Variants in TRPC7 observed in about 807,000 individuals in gnomAD.
TRPC7 encodes the protein transient receptor potential cation channel subfamily C member 7, also known as short transient receptor potential channel 7.
In TRPC7, 42 loss-of-function variants were observed where a neutral mutation model predicts 90.1. The ratio of observed to expected loss-of-function variants is 0.47; its 90% CI spans 0.36 to 0.60. The LOEUF (loss-of-function observed/expected upper bound fraction) is 0.60. TRPC7 is among the 20% of genes least tolerant of loss of function. The pLI is 0.00. For synonymous variants in TRPC7, 451 were observed against 436.3 expected, an observed-to-expected ratio of 1.03 and a Z score of -0.42; for missense variants, 955 against 1,112.3, an observed-to-expected ratio of 0.86 and a Z score of 2.01.
intron 3 of TRPC7, among the ~76,000 whole-genome samples, chr5:136,310,248 G>C (rs1486150191): frequency 1.3e-5 from 2 of 152,156 alleles, no homozygotes; most frequent in Non-Finnish European, 2.9e-5. Context: ...TGAAGTTCCA[G>C]GGTTTTGTTC....
chr5:136,249,949 A>G (rs1756466065), intron 6 of TRPC7, among the ~76,000 whole-genome samples: 1 of 152,222 alleles, frequency 6.6e-6, no homozygotes, highest in Admixed American at 6.5e-5. Context: ...CAAATACAAG[A>G]GCAATAACGT....
At chr5:136,288,325 CAT>C (rs1403203026) in intron 3 of TRPC7, among the ~76,000 whole-genome samples, 1 of 151,954 alleles carries the variant, frequency 6.6e-6, no homozygotes, top group Non-Finnish European at 1.5e-5. Flanking sequence ...TGTATATACA[CAT>C]GTATATAGAT....
intron 10 of TRPC7, among the ~76,000 whole-genome samples, chr5:136,224,590 A>G (rs1755567808): frequency 6.6e-6 from 1 of 152,122 alleles, no homozygotes; most frequent in African/African-American, 2.4e-5. Context: ...CCAAGCAACC[A>G]TGCCTTGTAC....
intron 1 of TRPC7, among the ~76,000 whole-genome samples, chr5:136,363,704 A>G (rs1760638034): frequency 6.6e-6 from 1 of 152,156 alleles, no homozygotes; most frequent in Non-Finnish European, 1.5e-5. Flanking sequence ...AAGTGTTTCT[A>G]TTAGTAATTT....
chr5:136,325,012 G>T (rs547228563), intron 2 of TRPC7, among the ~76,000 whole-genome samples: 1 of 152,356 alleles, frequency 6.6e-6, no homozygotes, highest in East Asian at 1.9e-4. Context: ...TAAGTCAGCA[G>T]ATGTGTACAG....
At chr5:136,289,655 C>T (rs1757862706) in intron 3 of TRPC7, among the ~76,000 whole-genome samples, 1 of 152,236 alleles carries the variant, frequency 6.6e-6, no homozygotes, top group Non-Finnish European at 1.5e-5. Context: ...GAAGCTCGAA[C>T]TGGGTGGAGC....
At chr5:136,312,000 C>A (rs1758847400) in intron 3 of TRPC7, among the ~76,000 whole-genome samples, 1 of 152,166 alleles carries the variant, frequency 6.6e-6, no homozygotes, top group Non-Finnish European at 1.5e-5. Context: ...ATGACATAGG[C>A]ATTATTATTC....
At chr5:136,251,138 A>G (rs968373137) in intron 6 of TRPC7, among the ~76,000 whole-genome samples, 1 of 152,334 alleles carries the variant, frequency 6.6e-6, no homozygotes, top group Non-Finnish European at 1.5e-5. Flanking sequence ...CTACTACATC[A>G]AACTGTAAGC....
intron 3 of TRPC7, among the ~76,000 whole-genome samples, chr5:136,292,686 T>C (rs9686156): frequency 0.12 from 18,377 of 152,100 alleles, 1,158 homozygotes; most frequent in African/African-American, 0.14. Flanking sequence ...CAGGACCAGA[T>C]GGATTCACAG....
At chr5:136,337,675 A>AG (rs1450973037) in intron 2 of TRPC7, among the ~76,000 whole-genome samples, 2 of 152,092 alleles carry the variant, frequency 1.3e-5, no homozygotes, top group African/African-American at 4.8e-5. Flanking sequence ...AAAAAAAAAA[A>AG]AAAAAATCTG....
At position 136,266,519 on chromosome 5, in the gene TRPC7, G is replaced by A. The variant is rs555706565; in HGVS notation, c.1129-83C>T. The A allele has an allele frequency of 1.5e-4, 180 of 1,230,006 alleles. 2 individuals carry two copies. Among genetic ancestry groups the A allele is most frequent in the Non-Finnish European group, 2.0e-4 (175 of 873,366 alleles). 76.2% of individuals were successfully genotyped at this position (1,230,006 alleles called of 1,614,324 possible). A position where few individuals can be genotyped will look rare whatever the true frequency, so the allele number is the denominator to read the frequency against. ...TCTTTATAACATCGCTTTCACCAAA[G>A]TTTAACCAGAGAATCCTTCATCTTG... On this transcript the variant is annotated intron_variant, in intron 4 of 11. Coordinates refer to ENST00000513104, the MANE Select transcript of TRPC7 (RefSeq NM_020389.3).
intron 7 of TRPC7, among the ~76,000 whole-genome samples, chr5:136,239,598 C>A (rs984786919): frequency 5.3e-5 from 8 of 152,168 alleles, no homozygotes; most frequent in African/African-American, 1.9e-4. Flanking sequence ...AGTTTTATGA[C>A]GTATTTCAGC....
intron 7 of TRPC7, among the ~76,000 whole-genome samples, chr5:136,243,894 G>A (rs1255395863): frequency 2.0e-5 from 3 of 151,890 alleles, no homozygotes; most frequent in Non-Finnish European, 4.4e-5. Flanking sequence ...TGTGCTTGCC[G>A]CCTCCCCACC....
chr5:136,359,645 CTTA>C (rs961370680), intron 1 of TRPC7, among the ~76,000 whole-genome samples: 1 of 152,064 alleles, frequency 6.6e-6, no homozygotes, highest in Non-Finnish European at 1.5e-5. Flanking sequence ...TGTGCAGGCA[CTTA>C]TTATTATAGG....
intron 2 of TRPC7, among the ~76,000 whole-genome samples, chr5:136,337,927 T>C (rs527266467): frequency 2.0e-5 from 3 of 152,264 alleles, no homozygotes; most frequent in African/African-American, 4.8e-5. Flanking sequence ...ATCCCCATCA[T>C]GCAGAAGGCT....
chr5:136,217,410 C>CT (rs1755304000), intron 10 of TRPC7, among the ~76,000 whole-genome samples: 1 of 152,212 alleles, frequency 6.6e-6, no homozygotes, highest in African/African-American at 2.4e-5. Flanking sequence ...CCATGAAGAG[C>CT]TTGCCACAGA....
intron 5 of TRPC7, 52 bp from the exon 6 acceptor site, chr5:136,251,934 TG>T: frequency 6.8e-7 from 1 of 1,471,852 alleles, no homozygotes; most frequent in African/African-American, 1.4e-5. Context: ...TTGGCATTTG[TG>T]ACCGCATGAG....
intron 2 of TRPC7, among the ~76,000 whole-genome samples, chr5:136,317,219 T>A (rs1759052072): frequency 6.6e-6 from 1 of 152,046 alleles, no homozygotes; most frequent in Non-Finnish European, 1.5e-5. Flanking sequence ...GGGTTCTAGG[T>A]TTTGGTATCT....
At chr5:136,345,958 T>A (rs1759992158) in intron 2 of TRPC7, among the ~76,000 whole-genome samples, 1 of 152,220 alleles carries the variant, frequency 6.6e-6, no homozygotes, top group Non-Finnish European at 1.5e-5. Context: ...AAATAGGGAA[T>A]CCTTTCCCCA....
Sources: gnomAD v4.1 joint callset for allele counts (sites outside exome capture counted in the v4.1 genomes callset) on GRCh38, gnomAD v4.1.1 for gene constraint, MANE v1.5 for transcripts, NCBI Gene and HGNC (gene_info 2026-07-23, HGNC 2026-07-21) for gene names.